The following SPON1 variants were observed in gnomAD, a reference collection of about 807,000 sequenced individuals.
SPON1 encodes the protein spondin-1.
A neutral mutation model predicts 111.7 loss-of-function variants in SPON1; 52 were observed. The ratio of observed to expected loss-of-function variants is 0.47; its 90% CI spans 0.37 to 0.59. The LOEUF (loss-of-function observed/expected upper bound fraction) is 0.59, where lower values mean the gene tolerates loss of function less well. Ranked by LOEUF, SPON1 falls within the 20% of genes least tolerant of loss-of-function variation. SPON1 has a pLI of 0.00. For missense variants in SPON1, 957 were observed against 1,068.5 expected (o/e 0.90, Z 1.46); for synonymous variants, 410 against 395.8 (o/e 1.04, Z -0.43).
intron 6 of SPON1, among the ~76,000 whole-genome samples, chr11:14,166,449 T>C (rs1320106600): frequency 1.3e-5 from 2 of 152,200 alleles, no homozygotes; most frequent in African/African-American, 4.8e-5. Context: ...TTTAGCAATG[T>C]TTAACACATT....
chr11:14,222,402 T>C (rs79792809), intron 6 of SPON1, among the ~76,000 whole-genome samples: 6,077 of 152,312 alleles, frequency 0.04, 421 homozygotes, highest in African/African-American at 0.14. Flanking sequence ...AAAGATTCCA[T>C]ATACTGTTCC....
chr11:14,242,217 A>C (rs1193692349), intron 6 of SPON1, among the ~76,000 whole-genome samples: 1 of 152,162 alleles, frequency 6.6e-6, no homozygotes, highest in African/African-American at 2.4e-5. Context: ...TTTTCTAGGC[A>C]AGGTACCCAA....
chr11:14,137,957 C>T (rs1435426306), intron 6 of SPON1, among the ~76,000 whole-genome samples: 1 of 152,162 alleles, frequency 6.6e-6, no homozygotes, highest in Non-Finnish European at 1.5e-5. Context: ...CGCAAGCACA[C>T]AATTGATTTA....
chr11:14,057,747 C>A (rs1848755579), intron 3 of SPON1, among the ~76,000 whole-genome samples: 1 of 147,532 alleles, frequency 6.8e-6, no homozygotes, highest in Non-Finnish European at 1.5e-5. Context: ...GTAATCCCAA[C>A]AATTTGGGAA....
At chr11:14,037,845 C>T (rs1344130356) in intron 2 of SPON1, among the ~76,000 whole-genome samples, 2 of 149,162 alleles carry the variant, frequency 1.3e-5, no homozygotes, top group African/African-American at 4.8e-5. Context: ...TGATAAAGAA[C>T]TGCTATCCAA....
intron 6 of SPON1, among the ~76,000 whole-genome samples, chr11:14,208,473 T>C (rs1378175491): frequency 6.6e-6 from 1 of 152,230 alleles, no homozygotes; most frequent in East Asian, 1.9e-4. Flanking sequence ...ATTTTTATGA[T>C]TAAAATATGT....
chr11:14,073,440 T>C (rs1160376966), intron 3 of SPON1, among the ~76,000 whole-genome samples: 1 of 152,204 alleles, frequency 6.6e-6, no homozygotes, highest in Non-Finnish European at 1.5e-5. Flanking sequence ...TAGGCTTGTA[T>C]AATCTGTACT....
At chr11:13,995,073 A>T (rs1293316390) in intron 2 of SPON1, among the ~76,000 whole-genome samples, 1 of 152,106 alleles carries the variant, frequency 6.6e-6, no homozygotes, top group Admixed American at 6.5e-5. Context: ...TATTTGTAGG[A>T]TTATTTGTTT....
At chr11:14,092,224 A>G (rs1306734823) in intron 5 of SPON1, among the ~76,000 whole-genome samples, 1 of 152,228 alleles carries the variant, frequency 6.6e-6, no homozygotes, top group Non-Finnish European at 1.5e-5. Flanking sequence ...ATCAGCGACT[A>G]ACATGGTTTG....
At chr11:14,091,771 C>T (rs573147767) in intron 5 of SPON1, among the ~76,000 whole-genome samples, 50 of 152,340 alleles carry the variant, frequency 3.3e-4, no homozygotes, top group African/African-American at 1.2e-3. Context: ...CAGAAAGGGG[C>T]TCCCACAGTG....
At chr11:14,009,073 G>T (rs1554913482) in intron 2 of SPON1, among the ~76,000 whole-genome samples, 1 of 152,174 alleles carries the variant, frequency 6.6e-6, no homozygotes, top group African/African-American at 2.4e-5. Context: ...GCCTTCAGTT[G>T]TGTGTGATTG....
chr11:13,966,408 T>G (rs782801270), intron 1 of SPON1, among the ~76,000 whole-genome samples: 7 of 152,020 alleles, frequency 4.6e-5, no homozygotes, highest in Admixed American at 1.3e-4. Flanking sequence ...CAGAAGAAAA[T>G]CCACTGAAAT....
intron 2 of SPON1, among the ~76,000 whole-genome samples, chr11:13,989,872 A>C (rs1050694892): frequency 3.3e-5 from 5 of 152,096 alleles, no homozygotes; most frequent in Non-Finnish European, 7.4e-5. Flanking sequence ...GAGTTTCCTA[A>C]TTGTGAGTTC....
At chr11:13,974,565 A>G (rs1347539959) in intron 1 of SPON1, among the ~76,000 whole-genome samples, 1 of 152,198 alleles carries the variant, frequency 6.6e-6, no homozygotes, top group Non-Finnish European at 1.5e-5. Context: ...GGGTAAGTGT[A>G]CCCAAGGATG....
At chr11:14,119,337 C>G (rs1554926282) in intron 5 of SPON1, among the ~76,000 whole-genome samples, 2 of 152,120 alleles carry the variant, frequency 1.3e-5, no homozygotes, top group African/African-American at 4.8e-5. Context: ...TTATTCAGGT[C>G]ACTGGCATCA....
chr11:14,129,452 T>A (rs1554927331), intron 5 of SPON1, among the ~76,000 whole-genome samples: 1 of 152,110 alleles, frequency 6.6e-6, no homozygotes, highest in African/African-American at 2.4e-5. Flanking sequence ...ATGTAACGTT[T>A]ACTCCCGTTC....
chr11:14,133,898 G>A (rs961274009), intron 5 of SPON1, among the ~76,000 whole-genome samples: 7 of 152,206 alleles, frequency 4.6e-5, no homozygotes, highest in Non-Finnish European at 1.0e-4. Flanking sequence ...CCTGGGGTGG[G>A]CCGTGGCTGC....
intron 3 of SPON1, among the ~76,000 whole-genome samples, chr11:14,045,606 A>G (rs1848662751): frequency 7.5e-6 from 1 of 134,028 alleles, no homozygotes; most frequent in African/African-American, 2.5e-5. Flanking sequence ...TTAATTATAT[A>G]TTTAATTTTG....
intron 2 of SPON1, among the ~76,000 whole-genome samples, chr11:14,018,692 G>C (rs1554914529): frequency 6.6e-6 from 1 of 152,170 alleles, no homozygotes; most frequent in African/African-American, 2.4e-5. Context: ...AAGCCTCCTA[G>C]TGGGCCTGAC....
Sources: gnomAD v4.1 joint callset for allele counts (sites outside exome capture counted in the v4.1 genomes callset) on GRCh38, gnomAD v4.1.1 for gene constraint, MANE v1.5 for transcripts, NCBI Gene and HGNC (gene_info 2026-07-23, HGNC 2026-07-21) for gene names.